CNTN5: variants seen among roughly 807,000 people sequenced by gnomAD.
CNTN5 encodes contactin 5, also known as contactin-5.
A neutral mutation model predicts 129.1 loss-of-function variants in CNTN5; 77 were observed. The observed-to-expected ratio is 0.60, with a 90% CI of 0.50 to 0.72. The LOEUF (loss-of-function observed/expected upper bound fraction) is 0.72, where lower values mean the gene tolerates loss of function less well. CNTN5 is among the 30% of genes least tolerant of loss of function. The pLI is 0.00. For synonymous variants in CNTN5, 509 were observed against 465.6 expected (o/e 1.09, Z -1.20); for missense variants, 1,478 against 1,328.8 (o/e 1.11, Z -1.75).
chr11:99,840,471 T>C (rs772782573), intron 4 of CNTN5, among the ~76,000 whole-genome samples: 3 of 152,070 alleles, frequency 2.0e-5, no homozygotes, highest in Non-Finnish European at 2.9e-5. Context: ...TCATTCTTCG[T>C]AGCAGAGAAT....
At chr11:99,467,960 T>G (rs1945011449) in intron 2 of CNTN5, among the ~76,000 whole-genome samples, 1 of 152,250 alleles carries the variant, frequency 6.6e-6, no homozygotes, top group East Asian at 1.9e-4. Flanking sequence ...TCCTGTTATA[T>G]ATATTTCAGA....
chr11:100,284,932 T>C (rs1189117185), intron 18 of CNTN5, among the ~76,000 whole-genome samples: 2 of 152,236 alleles, frequency 1.3e-5, no homozygotes, highest in Admixed American at 6.5e-5. Context: ...ATTAACGTTC[T>C]ACTGTGCCAC....
At chr11:99,992,463 T>G (rs1162273390) in intron 8 of CNTN5, among the ~76,000 whole-genome samples, 1 of 152,156 alleles carries the variant, frequency 6.6e-6, no homozygotes, top group Non-Finnish European at 1.5e-5. Context: ...TATACTCTAA[T>G]CCTCAGAAGG....
chr11:99,190,226 G>A (rs1337455865), intron 1 of CNTN5, among the ~76,000 whole-genome samples: 1 of 151,504 alleles, frequency 6.6e-6, no homozygotes, highest in African/African-American at 2.4e-5. Flanking sequence ...TTATTTCTGG[G>A]GTTTCTATTC....
chr11:99,128,322 A>G (rs1216063810), intron 1 of CNTN5, among the ~76,000 whole-genome samples: 2 of 152,132 alleles, frequency 1.3e-5, no homozygotes, highest in African/African-American at 4.8e-5. Context: ...GGAGACTGGG[A>G]TGTTTGGACT....
chr11:99,863,813 A>T (rs1948281015), intron 6 of CNTN5, among the ~76,000 whole-genome samples: 1 of 152,188 alleles, frequency 6.6e-6, no homozygotes, highest in Non-Finnish European at 1.5e-5. Context: ...GCAAGCTTTA[A>T]TTGCAATTCA....
intron 7 of CNTN5, among the ~76,000 whole-genome samples, chr11:99,921,818 A>G (rs1470525333): frequency 6.6e-6 from 1 of 152,178 alleles, no homozygotes; most frequent in Non-Finnish European, 1.5e-5. Flanking sequence ...AATATCAGAA[A>G]CTTTGATGGA....
rs192086820 is a variant in CNTN5, at chr11:99,662,917, A to G, written c.55+106648A>G. 4.9e-3 allele frequency among the ~76,000 whole-genome samples: 749 copies of G among 152,330 alleles called. 6 individuals carry two copies. Among genetic ancestry groups the G allele is most frequent in the Middle Eastern group, 0.01 (3 of 294 alleles). On this transcript the variant is annotated intron_variant, in intron 3 of 24. Coordinates refer to ENST00000524871, the MANE Select transcript of CNTN5 (RefSeq NM_014361.4). Reference sequence around the variant, plus strand: ...GCTCTAGAGGACAAAAACTCTCTTAAGTAGAAATGTTGTTTCCTGATTTTT... The same window carrying G: ...GCTCTAGAGGACAAAAACTCTCTTAGGTAGAAATGTTGTTTCCTGATTTTT...
At chr11:100,070,640 T>C (rs566085783) in intron 11 of CNTN5, 80 bp downstream of exon 11, 31 of 1,347,072 alleles carry the variant, frequency 2.3e-5, no homozygotes, top group African/African-American at 2.2e-4. Context: ...TCTTTAGTCT[T>C]ATTGAAAGCC....
chr11:99,966,422 T>C (rs1301713406), intron 8 of CNTN5, among the ~76,000 whole-genome samples: 1 of 152,158 alleles, frequency 6.6e-6, no homozygotes, highest in East Asian at 1.9e-4. Context: ...ATTACAGAGA[T>C]GACCGCTTCT....
intron 13 of CNTN5, among the ~76,000 whole-genome samples, chr11:100,103,141 CA>C (rs1411804515): frequency 6.6e-6 from 1 of 152,178 alleles, no homozygotes; most frequent in East Asian, 1.9e-4. Flanking sequence ...TTTTCATCCA[CA>C]TTTTAAAAGT....
intron 2 of CNTN5, among the ~76,000 whole-genome samples, chr11:99,555,554 C>T (rs756576073): frequency 6.6e-5 from 10 of 151,828 alleles, no homozygotes; most frequent in Admixed American, 1.3e-4. Context: ...TTTTCCCTTA[C>T]GTTCCAGCCA....
intron 15 of CNTN5, among the ~76,000 whole-genome samples, chr11:100,216,875 G>A (rs1414355251): frequency 6.6e-6 from 1 of 152,048 alleles, no homozygotes; most frequent in African/African-American, 2.4e-5. Context: ...ATAGGTTCAA[G>A]CAAAACAAGG....
intron 1 of CNTN5, among the ~76,000 whole-genome samples, chr11:99,060,330 T>C (rs1486856596): frequency 6.6e-6 from 1 of 152,090 alleles, no homozygotes; most frequent in Non-Finnish European, 1.5e-5. Context: ...CTAAGAAATA[T>C]ACAGAATTTT....
intron 2 of CNTN5, among the ~76,000 whole-genome samples, chr11:99,554,276 T>C (rs999740209): frequency 6.6e-6 from 1 of 152,128 alleles, no homozygotes; most frequent in Non-Finnish European, 1.5e-5. Context: ...GACTTATTTA[T>C]CCATGTGTTC....
At chr11:100,172,030 T>G (rs999222788) in intron 13 of CNTN5, among the ~76,000 whole-genome samples, 2 of 152,182 alleles carry the variant, frequency 1.3e-5, no homozygotes, top group African/African-American at 4.8e-5. Context: ...TAGTACCATA[T>G]GTACCTAAAA....
rs555546892 is a variant in CNTN5, at chr11:100,327,466, C to G, written c.2731-12997C>G. The stretch of plus-strand genomic sequence containing the variant: ...ATCTCTCAGCCTTCAATGTAACTGT[C>G]TCTGCCTTAGTGAAGACTTCCCTGA... On this transcript the variant is annotated intron_variant, in intron 21 of 24. Coordinates refer to ENST00000524871, the MANE Select transcript of CNTN5 (RefSeq NM_014361.4). Among the ~76,000 whole-genome samples the G allele has an allele frequency of 3.9e-5, 6 of 152,318 alleles. No homozygotes were observed. In the South Asian group the frequency reaches 1.2e-3, roughly 32 times the overall value.
At chr11:99,157,498 A>T (rs1352065732) in intron 1 of CNTN5, among the ~76,000 whole-genome samples, 4 of 152,090 alleles carry the variant, frequency 2.6e-5, no homozygotes, top group Admixed American at 2.0e-4. Flanking sequence ...AGCAGAGCAA[A>T]AAAATTGATA....
chr11:99,650,369 C>T (rs1952109046), intron 3 of CNTN5, among the ~76,000 whole-genome samples: 1 of 151,746 alleles, frequency 6.6e-6, no homozygotes, highest in African/African-American at 2.4e-5. Context: ...AGTTCATTCA[C>T]CTGAACAGAT....
Sources: gnomAD v4.1 joint callset for allele counts (sites outside exome capture counted in the v4.1 genomes callset) on GRCh38, gnomAD v4.1.1 for gene constraint, MANE v1.5 for transcripts, NCBI Gene and HGNC (gene_info 2026-07-23, HGNC 2026-07-21) for gene names.